The following SMYD3 variants were observed in gnomAD, a reference collection of about 807,000 sequenced individuals.
SMYD3 encodes the protein histone-lysine N-methyltransferase SMYD3.
In SMYD3, 36 loss-of-function variants were observed where a neutral mutation model predicts 57.7. The ratio of observed to expected loss-of-function variants is 0.62; its 90% CI spans 0.48 to 0.82. The LOEUF (loss-of-function observed/expected upper bound fraction) is 0.82. SMYD3 is among the 40% of genes least tolerant of loss of function. The probability of loss-of-function intolerance (pLI) is 0.00; values close to 1 mark genes in which losing one functional copy is unlikely to be tolerated. For missense variants in SMYD3, 515 were observed against 538.8 expected (o/e 0.96, Z 0.44); for synonymous variants, 211 against 195.0 (o/e 1.08, Z -0.68).
At chr1:245,936,632 C>G (rs2056991883) in intron 5 of SMYD3, among the ~76,000 whole-genome samples, 1 of 152,190 alleles carries the variant, frequency 6.6e-6, no homozygotes, top group Non-Finnish European at 1.5e-5. Context: ...CAGCGGCTCA[C>G]TCCTGTAATC....
Position 245,903,462 on chromosome 1 carries a change from C to G in SMYD3, c.813+12068G>C, listed in dbSNP as rs181104614. ...AAGCTTCACCAATTGCCCCCACCCC[C>G]ACAAGGACACCAAGTTAACAACTAT... On this transcript the variant is annotated intron_variant, in intron 8 of 11. Transcript: ENST00000490107. Among the ~76,000 whole-genome samples the G allele has an allele frequency of 3.8e-3, 585 of 152,244 alleles. 2 individuals are homozygous for G. Among genetic ancestry groups the G allele is most frequent in the African/African-American group, 0.014 (564 of 41,530 alleles).
chr1:246,266,299 G>A (rs533259072), intron 5 of SMYD3, among the ~76,000 whole-genome samples: 2 of 151,882 alleles, frequency 1.3e-5, no homozygotes, highest in African/African-American at 2.4e-5. Context: ...TTTTTTAATC[G>A]GGCAACTTTA....
chr1:246,487,027 A>G (rs1288103357), intron 1 of SMYD3, among the ~76,000 whole-genome samples: 1 of 152,246 alleles, frequency 6.6e-6, no homozygotes, highest in Admixed American at 6.5e-5. Context: ...GTCTAGAACT[A>G]TACTGAAGAA....
At chr1:246,222,551 G>A (rs2063273037) in intron 5 of SMYD3, among the ~76,000 whole-genome samples, 1 of 152,114 alleles carries the variant, frequency 6.6e-6, no homozygotes, top group African/African-American at 2.4e-5. Flanking sequence ...ATATATAAAA[G>A]TTATCAGCAA....
chr1:246,242,763 A>C (rs559111870), intron 5 of SMYD3, among the ~76,000 whole-genome samples: 1 of 150,892 alleles, frequency 6.6e-6, no homozygotes, highest in South Asian at 2.2e-4. Flanking sequence ...AGATCTACCA[A>C]GCAAATGGAA....
intron 5 of SMYD3, among the ~76,000 whole-genome samples, chr1:246,270,334 C>T (rs1211825992): frequency 6.6e-6 from 1 of 152,180 alleles, no homozygotes; most frequent in African/African-American, 2.4e-5. Context: ...AAAAAATTTA[C>T]TATCTTAACC....
At chr1:246,162,193 T>C (rs1199905862) in intron 5 of SMYD3, among the ~76,000 whole-genome samples, 2 of 152,158 alleles carry the variant, frequency 1.3e-5, no homozygotes, top group Non-Finnish European at 2.9e-5. Context: ...TGACCACTAA[T>C]TGAAATGCCA....
intron 5 of SMYD3, chr1:245,953,332 A>G (rs1175304086): frequency 2.0e-6 from 2 of 993,096 alleles, no homozygotes; most frequent in Non-Finnish European, 2.4e-6. Flanking sequence ...TCAATTAACT[A>G]AAAACATTTT....
intron 1 of SMYD3, among the ~76,000 whole-genome samples, chr1:246,362,326 C>G (rs1166984422): frequency 6.6e-6 from 1 of 152,184 alleles, no homozygotes; most frequent in African/African-American, 2.4e-5. Flanking sequence ...TTTAGACATG[C>G]TGAGTTGAGA....
intron 5 of SMYD3, among the ~76,000 whole-genome samples, chr1:246,070,653 C>A (rs1028165721): frequency 2.0e-5 from 3 of 152,124 alleles, no homozygotes; most frequent in Non-Finnish European, 4.4e-5. Context: ...CAAAAAGCAA[C>A]AGAACAAAGT....
rs190818881 is a variant in SMYD3 at position 246,400,979 on chromosome 1, G to C, written c.165-45885C>G. ...ATTCATAAAATTCACAAAATCTGAA[G>C]CTCATAAATCAAAAGAAACTGTTCA... is the stretch of plus-strand genomic sequence containing the variant. On this transcript the variant is annotated intron_variant, in intron 1 of 11. Coordinates refer to ENST00000490107, the MANE Select transcript of SMYD3 (RefSeq NM_001167740.2). Among the ~76,000 whole-genome samples, 22 of 152,186 alleles carry C rather than the reference G, an allele frequency of 1.4e-4. No homozygotes were observed. The East Asian group carries it at 1.5e-3, about 11-fold the overall frequency.
intron 5 of SMYD3, among the ~76,000 whole-genome samples, chr1:246,191,247 T>C (rs2062734174): frequency 1.3e-5 from 2 of 152,242 alleles, no homozygotes; most frequent in Admixed American, 1.3e-4. Context: ...TGATGTGGTT[T>C]TGAGATTCTT....
chr1:246,346,810 A>T (rs1003182893), intron 2 of SMYD3, among the ~76,000 whole-genome samples: 4 of 152,206 alleles, frequency 2.6e-5, no homozygotes, highest in African/African-American at 9.6e-5. Context: ...AGGCAAAAAA[A>T]CATAGTTTGA....
intron 1 of SMYD3, 65 bp downstream of exon 1, chr1:246,506,989 G>GCCCCCCCCAC: frequency 7.7e-6 from 5 of 649,318 alleles, no homozygotes; most frequent in Non-Finnish European, 1.1e-5. Context: ...GCCGCCCGAC[G>GCCCCCCCCAC]CCCCCCCCTC....
At chr1:245,945,858 G>A (rs1283961326) in intron 5 of SMYD3, among the ~76,000 whole-genome samples, 6 of 152,176 alleles carry the variant, frequency 3.9e-5, no homozygotes, top group African/African-American at 1.4e-4. Flanking sequence ...AACTAATGCA[G>A]GAACAGAAAC....
At chr1:245,913,526 A>AG (rs1429224805) in intron 8 of SMYD3, among the ~76,000 whole-genome samples, 1 of 151,494 alleles carries the variant, frequency 6.6e-6, no homozygotes, top group Non-Finnish European at 1.5e-5. Flanking sequence ...AAAAAAAAAA[A>AG]GAAAACATAG....
At chr1:245,826,857 C>T (rs1014320292) in intron 10 of SMYD3, among the ~76,000 whole-genome samples, 16 of 152,142 alleles carry the variant, frequency 1.1e-4, no homozygotes, top group African/African-American at 3.6e-4. Flanking sequence ...CTCAAGAGAA[C>T]TCACTCACTA....
intron 10 of SMYD3, among the ~76,000 whole-genome samples, chr1:245,809,448 C>A (rs895105135): frequency 6.6e-6 from 1 of 152,084 alleles, no homozygotes; most frequent in Non-Finnish European, 1.5e-5. Flanking sequence ...TCTTCCCAAG[C>A]CCAGTGAGTT....
intron 5 of SMYD3, among the ~76,000 whole-genome samples, chr1:246,139,598 ATTTC>A (rs766808728): frequency 2.9e-4 from 44 of 152,332 alleles, no homozygotes; most frequent in East Asian, 5.8e-4. Flanking sequence ...TTTGAAACAC[ATTTC>A]TTTAACAAAA....
Sources: gnomAD v4.1 joint callset for allele counts (sites outside exome capture counted in the v4.1 genomes callset) on GRCh38, gnomAD v4.1.1 for gene constraint, MANE v1.5 for transcripts, NCBI Gene and HGNC (gene_info 2026-07-23, HGNC 2026-07-21) for gene names.